Variants in DPP6 observed in about 807,000 individuals in gnomAD.
DPP6 encodes dipeptidyl peptidase like 6.
A neutral mutation model predicts 122.6 loss-of-function variants in DPP6; 69 were observed. The observed-to-expected ratio is 0.56, with a 90% CI of 0.46 to 0.69. The LOEUF is 0.69. Ranked by LOEUF, DPP6 falls within the 30% of genes least tolerant of loss-of-function variation. The pLI, the probability that DPP6 is intolerant of heterozygous loss-of-function variation, is 0.00. For synonymous variants in DPP6, 418 were observed against 433.1 expected (o/e 0.97, Z 0.43); for missense variants, 928 against 1,116.9 (o/e 0.83, Z 2.41).
At chr7:153,839,049 G>A in the DPP6 span, among the ~76,000 whole-genome samples, 1 of 152,212 alleles carries the variant, frequency 6.6e-6, no homozygotes, top group Non-Finnish European at 1.5e-5. Context: ...GAGCCTGAGA[G>A]TTTGCACTTC....
rs1468910621 is a variant in DPP6 at position 154,875,974 on chromosome 7, G to A, written c.1952G>A (p.Ser651Asn). 4 of 1,613,452 alleles carry A rather than the reference G, an allele frequency of 2.5e-6. No homozygotes were observed. The highest frequency in any genetic ancestry group is 3.3e-5 in the Admixed American group (2 of 59,942). Reference sequence around the variant, plus strand: ...GTGAGCTGGGAGACGGTGATGGTGAGCAGCCACGGCGCGGTGGTGGTAAAG... The same window carrying A: ...GTGAGCTGGGAGACGGTGATGGTGAACAGCCACGGCGCGGTGGTGGTAAAG... ...FEVSWETVMV[S>N]SHGAVVVKCD... Residue 651 changes from serine (S) to asparagine (N), a missense_variant, in exon 20 of 26, where the codon AGC becomes AAC. Physicochemically the swap from Ser to Asn is conservative, Grantham distance 46 (BLOSUM62 1). Coordinates refer to ENST00000377770, the MANE Select transcript of DPP6 (RefSeq NM_130797.4). The surrounding 1 kb of genome is among the most constrained non-coding windows in gnomAD (Gnocchi z 4.5).
At chr7:154,179,042 C>T (rs543975998) in intron 1 of DPP6, among the ~76,000 whole-genome samples, 1 of 152,318 alleles carries the variant, frequency 6.6e-6, no homozygotes, top group Non-Finnish European at 1.5e-5. Context: ...AGGGCTGACA[C>T]ACCTTAAGGA....
chr7:154,881,998 C>T (rs1013428740), intron 21 of DPP6, among the ~76,000 whole-genome samples: 1 of 152,186 alleles, frequency 6.6e-6, no homozygotes, highest in Non-Finnish European at 1.5e-5. Flanking sequence ...AGTGACTTCC[C>T]AGCAGACTGG....
chr7:153,981,080 A>G (rs528658243), intron 1 of DPP6, among the ~76,000 whole-genome samples: 1 of 152,336 alleles, frequency 6.6e-6, no homozygotes, highest in East Asian at 1.9e-4. Flanking sequence ...TCCAGAGCTG[A>G]GTTCAAGTCC....
intron 3 of DPP6, among the ~76,000 whole-genome samples, chr7:154,497,341 C>T (rs542347908): frequency 6.6e-6 from 1 of 152,282 alleles, no homozygotes; most frequent in Admixed American, 6.5e-5. Context: ...GGCATGGTGG[C>T]TCATGCCTGT....
At chr7:154,537,385 A>C (rs1828344108) in intron 3 of DPP6, among the ~76,000 whole-genome samples, 1 of 152,238 alleles carries the variant, frequency 6.6e-6, no homozygotes, top group African/African-American at 2.4e-5. Flanking sequence ...GATAGTAAGA[A>C]GTTTGAAAAT....
chr7:154,883,383 C>T (rs1183671180), intron 21 of DPP6, among the ~76,000 whole-genome samples: 1 of 118,780 alleles, frequency 8.4e-6, no homozygotes, highest in Non-Finnish European at 1.8e-5. Flanking sequence ...ATTACATACA[C>T]CTGCTCACAC....
chr7:153,782,136 AC>A, the DPP6 span, among the ~76,000 whole-genome samples: 1 of 151,758 alleles, frequency 6.6e-6, no homozygotes, highest in African/African-American at 2.4e-5. Flanking sequence ...GGAGGGTTTA[AC>A]CCCAGCCCCA....
intron 1 of DPP6, among the ~76,000 whole-genome samples, chr7:153,953,282 T>C (rs1419908880): frequency 1.3e-5 from 2 of 152,206 alleles, no homozygotes; most frequent in Non-Finnish European, 2.9e-5. Flanking sequence ...GTTGGTATTA[T>C]CACTGCCATT....
intron 10 of DPP6, among the ~76,000 whole-genome samples, chr7:154,788,835 ATCT>A (rs1304974747): frequency 2.0e-5 from 3 of 152,114 alleles, no homozygotes; most frequent in Non-Finnish European, 2.9e-5. Flanking sequence ...AGGAAGGCTC[ATCT>A]TCTTCTTTAC....
chr7:154,203,214 G>A (rs1799262146), intron 1 of DPP6, among the ~76,000 whole-genome samples: 1 of 152,180 alleles, frequency 6.6e-6, no homozygotes, highest in African/African-American at 2.4e-5. Context: ...AGCATTTAGA[G>A]TGCATGGGGC....
In DPP6 at chr7:154,255,832, A is replaced by G. The variant is rs567646032; in HGVS notation, c.244-190382A>G. The stretch of plus-strand genomic sequence containing the variant: ...AAAATAATAGGAAAAATTGTCTGTC[A>G]AATAAATGACTTAGAAGACCTGGTT... On this transcript the variant is annotated intron_variant, in intron 1 of 25. Transcript: ENST00000377770. 3.3e-5 allele frequency among the ~76,000 whole-genome samples: 5 copies of G among 152,330 alleles called. No homozygotes were observed. In the South Asian group the frequency reaches 1.0e-3, roughly 32 times the overall value.
intron 1 of DPP6, among the ~76,000 whole-genome samples, chr7:153,920,085 T>G (rs1336603833): frequency 6.6e-6 from 1 of 152,196 alleles, no homozygotes; most frequent in Non-Finnish European, 1.5e-5. Context: ...TCAAGTGAGG[T>G]AATGCAAAGA....
chr7:154,549,051 G>C (rs923764893), intron 4 of DPP6, among the ~76,000 whole-genome samples: 1 of 152,180 alleles, frequency 6.6e-6, no homozygotes, highest in Non-Finnish European at 1.5e-5. Context: ...CTGGGGAAAA[G>C]GTGGAGAGAG....
intron 12 of DPP6, 99 bp downstream of exon 12, chr7:154,795,982 T>G: frequency 6.7e-7 from 1 of 1,492,718 alleles, no homozygotes; most frequent in Non-Finnish European, 8.9e-7. Context: ...CTTCTCAGAG[T>G]AAATCACACA....
the DPP6 span, among the ~76,000 whole-genome samples, chr7:153,845,028 G>A: frequency 0.12 from 18,968 of 152,052 alleles, 1,203 homozygotes; most frequent in Middle Eastern, 0.15. Flanking sequence ...ATTCACCAGA[G>A]GAAACATAAT....
chr7:154,553,783 A>G lies in DPP6; in HGVS notation c.553-13059A>G, dbSNP rs561406896. ...TGAGAAGGAAGCCACCGCTTCAAACACTGTGTTCATATCTGTGAGTCCATC... is the reference window on the plus strand; with the variant it reads ...TGAGAAGGAAGCCACCGCTTCAAACGCTGTGTTCATATCTGTGAGTCCATC... On this transcript the variant is annotated intron_variant, in intron 4 of 25. Transcript: ENST00000377770. 2.6e-5 allele frequency among the ~76,000 whole-genome samples: 4 copies of G among 152,010 alleles called. No individual in the cohort carries two copies. The East Asian group carries it at 5.8e-4, about 22-fold the overall frequency.
chr7:154,749,283 G>A (rs1467710174), intron 8 of DPP6, among the ~76,000 whole-genome samples: 8 of 114,750 alleles, frequency 7.0e-5, no homozygotes, highest in African/African-American at 2.3e-4. Context: ...AGGACAGGAG[G>A]GAGAGGGATG....
chr7:154,061,108 A>T (rs1416902573), intron 1 of DPP6, among the ~76,000 whole-genome samples: 2 of 148,448 alleles, frequency 1.3e-5, no homozygotes, highest in African/African-American at 4.9e-5. Context: ...GTTATTTGCA[A>T]TCTACCGGAA....
Sources: allele counts gnomAD v4.1 joint callset (sites outside exome capture counted in the v4.1 genomes callset), GRCh38; gene constraint gnomAD v4.1.1; non-coding constraint Gnocchi (gnomAD v3.1); transcripts MANE v1.5; gene names NCBI Gene and HGNC (gene_info 2026-07-23, HGNC 2026-07-21).